ZFAT: variants seen among roughly 807,000 people sequenced by gnomAD.
ZFAT encodes the protein zinc finger protein ZFAT.
Under a neutral mutation model 117.7 loss-of-function variants are expected in ZFAT, and 64 were observed. The ratio of observed to expected loss-of-function variants is 0.54; its 90% CI spans 0.44 to 0.67. The LOEUF is 0.67. Ranked by LOEUF, ZFAT falls within the 30% of genes least tolerant of loss-of-function variation. The pLI, the probability that ZFAT is intolerant of heterozygous loss-of-function variation, is 0.00. For missense variants in ZFAT, 1,433 were observed against 1,584.5 expected (o/e 0.90, Z 1.62); for synonymous variants, 679 against 615.0 (o/e 1.10, Z -1.54).
chr8:134,573,085 C>G (rs964051529), intron 10 of ZFAT, among the ~76,000 whole-genome samples: 1 of 152,180 alleles, frequency 6.6e-6, no homozygotes, highest in African/African-American at 2.4e-5. Context: ...GTAGTTACCT[C>G]TGGGGAGGAG....
chr8:134,490,130 A>T (rs1817945276), intron 15 of ZFAT, among the ~76,000 whole-genome samples: 1 of 152,188 alleles, frequency 6.6e-6, no homozygotes, highest in Non-Finnish European at 1.5e-5. Flanking sequence ...CTTCTTAGTT[A>T]TGTGGAACAG....
chr8:134,532,503 C>A (rs1563815699), intron 12 of ZFAT, among the ~76,000 whole-genome samples: 1 of 152,202 alleles, frequency 6.6e-6, no homozygotes. Context: ...GACAACCGAA[C>A]TTTCATCTCT....
At chr8:134,520,810 A>G in intron 13 of ZFAT, 73 bp downstream of exon 13, 5 of 1,121,754 alleles carry the variant, frequency 4.5e-6, no homozygotes, top group Non-Finnish European at 5.3e-6. Flanking sequence ...GTCCGTGCCC[A>G]GTATTTGGGT....
the ZFAT span, among the ~76,000 whole-genome samples, chr8:134,813,386 A>G: frequency 6.6e-6 from 1 of 152,134 alleles, no homozygotes; most frequent in South Asian, 2.1e-4. Context: ...CAGATCACCT[A>G]CCACATTAGA....
At chr8:134,644,731 C>T (rs1386638383) in intron 2 of ZFAT, among the ~76,000 whole-genome samples, 4 of 152,192 alleles carry the variant, frequency 2.6e-5, no homozygotes, top group Non-Finnish European at 5.9e-5. Context: ...CACTCACAAA[C>T]GTGCCCATAT....
the ZFAT span, among the ~76,000 whole-genome samples, chr8:134,725,287 C>G: frequency 2.6e-5 from 4 of 152,176 alleles, no homozygotes; most frequent in African/African-American, 4.8e-5. Flanking sequence ...TGATCTCAGA[C>G]GGCTTTCAAG....
chr8:134,626,240 G>A (rs1352187061), intron 3 of ZFAT, among the ~76,000 whole-genome samples: 1 of 152,192 alleles, frequency 6.6e-6, no homozygotes, highest in African/African-American at 2.4e-5. Context: ...GAATTCACAC[G>A]ACTCTGAAGC....
At chr8:134,572,965 A>G (rs892938920) in intron 10 of ZFAT, among the ~76,000 whole-genome samples, 1 of 152,252 alleles carries the variant, frequency 6.6e-6, no homozygotes, top group Non-Finnish European at 1.5e-5. Flanking sequence ...CACAAGCACA[A>G]TGTGAAAAGG....
At chr8:134,819,496 A>ACACCCCCCCC in the ZFAT span, among the ~76,000 whole-genome samples, 1 of 39,334 alleles carries the variant, frequency 2.5e-5, no homozygotes, top group Non-Finnish European at 4.7e-5. Flanking sequence ...CGGATTTACC[A>ACACCCCCCCC]CCCCCCCCCC....
chr8:134,794,375 T>C, the ZFAT span: 1 of 152,358 alleles, frequency 6.6e-6, no homozygotes, highest in African/African-American at 2.4e-5. Context: ...ATACACGGTA[T>C]AAGTTCAAAT....
chr8:134,580,561 A>C (rs1460472851), intron 10 of ZFAT, among the ~76,000 whole-genome samples: 10 of 152,216 alleles, frequency 6.6e-5, no homozygotes, highest in Admixed American at 6.5e-4. Context: ...ACTAAATGAG[A>C]AAAACTATGT....
intron 11 of ZFAT, among the ~76,000 whole-genome samples, chr8:134,555,247 G>C (rs746206077): frequency 8.6e-5 from 13 of 151,350 alleles, no homozygotes; most frequent in Admixed American, 4.6e-4. Flanking sequence ...GCTCGTTAGA[G>C]ACTTAGTGAC....
intron 11 of ZFAT, among the ~76,000 whole-genome samples, chr8:134,537,412 T>C (rs1821921110): frequency 6.6e-6 from 1 of 152,228 alleles, no homozygotes; most frequent in South Asian, 2.1e-4. Context: ...TTGGGTCTCC[T>C]GGACATAAGG....
the ZFAT span, among the ~76,000 whole-genome samples, chr8:134,827,555 G>A: frequency 1.3e-5 from 2 of 152,022 alleles, no homozygotes; most frequent in African/African-American, 4.8e-5. Flanking sequence ...ATCACCTGAG[G>A]TCAGGAGTTT....
At chr8:134,787,284 A>ACT in the ZFAT span, among the ~76,000 whole-genome samples, 46 of 151,746 alleles carry the variant, frequency 3.0e-4, no homozygotes, top group African/African-American at 1.1e-3. Context: ...ACATGAAGAC[A>ACT]CTCTCCTGTT....
At chr8:134,647,442 G>A (rs546293203) in intron 2 of ZFAT, among the ~76,000 whole-genome samples, 1 of 152,290 alleles carries the variant, frequency 6.6e-6, no homozygotes, top group Non-Finnish European at 1.5e-5. Flanking sequence ...GTGAAAAGCT[G>A]AAAGCTCTCC....
chr8:134,638,549 C>CAAAAAAAAAAAAAAAAAAAAAAAA (rs758050176), intron 2 of ZFAT, among the ~76,000 whole-genome samples: 5 of 101,130 alleles, frequency 4.9e-5, no homozygotes, highest in African/African-American at 1.9e-4. Context: ...ACTAAAAATA[C>CAAAAAAAAAAAAAAAAAAAAAAAA]AAAAAAAAAA....
intron 13 of ZFAT, among the ~76,000 whole-genome samples, chr8:134,518,681 ATTT>A (rs894633913): frequency 2.0e-5 from 3 of 151,818 alleles, no homozygotes; most frequent in African/African-American, 7.2e-5. Context: ...ATAAAAAAAT[ATTT>A]TTATCATTTA....
At chr8:134,665,675 G>C (rs1832179044) in intron 1 of ZFAT, among the ~76,000 whole-genome samples, 2 of 151,518 alleles carry the variant, frequency 1.3e-5, no homozygotes, top group Admixed American at 6.6e-5. Flanking sequence ...TTCCCTCTGA[G>C]AGTCAGCATC....
Sources: allele counts gnomAD v4.1 joint callset (sites outside exome capture counted in the v4.1 genomes callset), GRCh38; gene constraint gnomAD v4.1.1; transcripts MANE v1.5; gene names NCBI Gene and HGNC (gene_info 2026-07-23, HGNC 2026-07-21).